Variants in ABCC4 observed in about 807,000 individuals in gnomAD.
ABCC4 encodes ATP binding cassette subfamily C member 4 (PEL blood group).
A neutral mutation model predicts 168.5 loss-of-function variants in ABCC4; 102 were observed. That is an observed-to-expected ratio of 0.61 (90% CI 0.52 to 0.71). The LOEUF (loss-of-function observed/expected upper bound fraction) is 0.71. Among genes scored for constraint, ABCC4 ranks in the 30% least tolerant of loss-of-function variants. ABCC4 has a pLI of 0.00. For missense variants in ABCC4, 1,402 were observed against 1,605.8 expected, an observed-to-expected ratio of 0.87 and a Z score of 2.17; for synonymous variants, 617 against 590.7, an observed-to-expected ratio of 1.04 and a Z score of -0.65.
At chr13:95,122,749 G>C (rs1157345066) in intron 19 of ABCC4, among the ~76,000 whole-genome samples, 1 of 152,158 alleles carries the variant, frequency 6.6e-6, no homozygotes, top group African/African-American at 2.4e-5. Context: ...GTAGCTCTCA[G>C]GAACCTGCCA....
At chr13:95,196,578 AAAGG>A (rs1349776893) in intron 8 of ABCC4, among the ~76,000 whole-genome samples, 22 of 108,994 alleles carry the variant, frequency 2.0e-4, no homozygotes, top group South Asian at 7.1e-4. Flanking sequence ...GGAAAGGAGG[AAAGG>A]AGGAAGGAAG....
chr13:95,028,469 C>T (rs571678331), intron 30 of ABCC4, among the ~76,000 whole-genome samples: 3 of 151,962 alleles, frequency 2.0e-5, no homozygotes, highest in South Asian at 2.1e-4. Context: ...AAAAACAAAC[C>T]GCTACCACCA....
chr13:95,141,503 T>C (rs2036316639), intron 19 of ABCC4, among the ~76,000 whole-genome samples: 1 of 149,530 alleles, frequency 6.7e-6, no homozygotes, highest in Non-Finnish European at 1.5e-5. Context: ...ACCATAAATA[T>C]AAAGCTCCAC....
At chr13:95,225,153 TCACACACACA>T (rs61398515) in intron 4 of ABCC4, among the ~76,000 whole-genome samples, 58 of 35,268 alleles carry the variant, frequency 1.6e-3, no homozygotes, top group East Asian at 6.1e-3. Flanking sequence ...TCTCTCTCTC[TCACACACACA>T]CACACACACA....
At chr13:95,273,126 A>T (rs2040885700) in intron 1 of ABCC4, among the ~76,000 whole-genome samples, 1 of 152,200 alleles carries the variant, frequency 6.6e-6, no homozygotes, top group African/African-American at 2.4e-5. Context: ...TAATTCAAAG[A>T]GCAATTTATG....
At chr13:95,149,514 G>A (rs773312649) in intron 19 of ABCC4, among the ~76,000 whole-genome samples, 43 of 151,824 alleles carry the variant, frequency 2.8e-4, no homozygotes, top group Non-Finnish European at 4.1e-4. Context: ...AATTTTATGC[G>A]CCCAGGCCAT....
chr13:95,183,128 T>C (rs1423467732), intron 11 of ABCC4, among the ~76,000 whole-genome samples: 2 of 150,876 alleles, frequency 1.3e-5, no homozygotes, highest in Non-Finnish European at 3.0e-5. Context: ...TGAGGAACTA[T>C]ATAAGGCAAA....
chr13:95,163,031 C>G, intron 18 of ABCC4, 91 bp downstream of exon 18: 1 of 830,770 alleles, frequency 1.2e-6, no homozygotes, highest in Non-Finnish European at 2.1e-6. Context: ...TAAGACATTA[C>G]TGAATGACTC....
At chr13:95,085,738 T>A (rs1208222940) in intron 20 of ABCC4, among the ~76,000 whole-genome samples, 4 of 152,204 alleles carry the variant, frequency 2.6e-5, no homozygotes, top group African/African-American at 9.6e-5. Context: ...CAAAGAAAGG[T>A]ACAATTGCCC....
intron 8 of ABCC4, among the ~76,000 whole-genome samples, chr13:95,200,777 G>GA (rs2038602728): frequency 6.6e-6 from 1 of 152,166 alleles, no homozygotes; most frequent in Non-Finnish European, 1.5e-5. Flanking sequence ...TGATGAAGCA[G>GA]AATCTCCAAG....
chr13:95,171,974 T>A (rs1197620453), intron 13 of ABCC4, among the ~76,000 whole-genome samples: 4 of 152,198 alleles, frequency 2.6e-5, no homozygotes, highest in Non-Finnish European at 5.9e-5. Context: ...CTGCCATTAG[T>A]CCTTTTATAT....
chr13:95,023,868 G>A (rs561914344), intron 30 of ABCC4, among the ~76,000 whole-genome samples: 1 of 152,306 alleles, frequency 6.6e-6, no homozygotes, highest in East Asian at 1.9e-4. Flanking sequence ...AGAACTGAAA[G>A]ATCATAGAAG....
At chr13:95,239,912 A>C (rs1260725792) in intron 3 of ABCC4, among the ~76,000 whole-genome samples, 1 of 152,170 alleles carries the variant, frequency 6.6e-6, no homozygotes, top group African/African-American at 2.4e-5. Flanking sequence ...CCACTTTGCA[A>C]ACTCCTAACA....
At chr13:95,120,320 A>C (rs1442999544) in intron 19 of ABCC4, among the ~76,000 whole-genome samples, 1 of 152,096 alleles carries the variant, frequency 6.6e-6, no homozygotes, top group Non-Finnish European at 1.5e-5. Flanking sequence ...TAATCCCAGC[A>C]CTTTGGGAGG....
intron 19 of ABCC4, among the ~76,000 whole-genome samples, chr13:95,125,531 A>G (rs576131192): frequency 9.2e-4 from 140 of 151,526 alleles, no homozygotes; most frequent in African/African-American, 1.8e-3. Flanking sequence ...ACAAGTAAAT[A>G]AATGAATGAA....
Position 95,207,784 on chromosome 13 carries a change from G to A in ABCC4, c.911+16C>T, listed in dbSNP as rs2038824632. On this transcript the variant is annotated intron_variant, in intron 7 of 30. Transcript: ENST00000645237. Reference sequence around the variant, plus strand: ...GAAAAATACAAAAATATGGTACAATGTATACAAAAACTTACTTTCTCAAAT... The same window carrying A: ...GAAAAATACAAAAATATGGTACAATATATACAAAAACTTACTTTCTCAAAT... 1 of 1,607,154 alleles carries A rather than the reference G, an allele frequency of 6.2e-7. No individual in the cohort carries two copies. Among genetic ancestry groups the A allele is most frequent in the Admixed American group, 1.7e-5 (1 of 58,668 alleles).
chr13:95,037,222 C>G (rs1407482886), intron 29 of ABCC4, among the ~76,000 whole-genome samples: 1 of 151,646 alleles, frequency 6.6e-6, no homozygotes, highest in Non-Finnish European at 1.5e-5. Flanking sequence ...TATGACCTAA[C>G]AAAGAGTATG....
At chr13:95,182,738 A>T (rs889470120) in intron 11 of ABCC4, among the ~76,000 whole-genome samples, 1 of 152,184 alleles carries the variant, frequency 6.6e-6, no homozygotes, top group Non-Finnish European at 1.5e-5. Context: ...GATTAGCTAA[A>T]ATCACACACC....
intron 1 of ABCC4, 85 bp downstream of exon 1, chr13:95,301,156 T>TGGGCAGCATCGG: frequency 7.6e-7 from 1 of 1,314,368 alleles, no homozygotes; most frequent in East Asian, 2.9e-5. Flanking sequence ...GCAGAGGGCT[T>TGGGCAGCATCGG]GGGCAGCATC....
Sources: gnomAD v4.1 joint callset for allele counts (sites outside exome capture counted in the v4.1 genomes callset) on GRCh38, gnomAD v4.1.1 for gene constraint, MANE v1.5 for transcripts, NCBI Gene and HGNC (gene_info 2026-07-23, HGNC 2026-07-21) for gene names.